The following TEX9 variants were observed in gnomAD, a reference collection of about 807,000 sequenced individuals.
TEX9 encodes the protein testis expressed 9, also known as testis-expressed protein 9.
TEX9 carries 74 observed loss-of-function variants against 59.6 expected under a neutral mutation model. That is an observed-to-expected ratio of 1.24 (90% CI 1.03 to 1.51). The LOEUF is 1.51. Ranked by LOEUF, TEX9 falls within the 40% of genes most tolerant of loss-of-function variation. TEX9 has a pLI of 0.00. For synonymous variants in TEX9, 186 were observed against 152.2 expected (o/e 1.22, Z -1.64); for missense variants, 522 against 447.8 (o/e 1.17, Z -1.49).
intron 2 of TEX9, 82 bp downstream of exon 2, chr15:56,365,752 G>T (rs778299649): frequency 1.1e-5 from 17 of 1,570,238 alleles, no homozygotes; most frequent in Non-Finnish European, 1.5e-5. Context: ...CTGGAGACTG[G>T]CTGGATCTTC....
chr15:56,382,063 G>A (rs1284287883), intron 3 of TEX9, among the ~76,000 whole-genome samples: 3 of 152,144 alleles, frequency 2.0e-5, no homozygotes, highest in Admixed American at 1.3e-4. Context: ...GCTGGTACTC[G>A]GACTACAACA....
At chr15:56,289,092 CATT>C (rs1164922591) in intron 1 of TEX9, among the ~76,000 whole-genome samples, 1 of 152,170 alleles carries the variant, frequency 6.6e-6, no homozygotes, top group African/African-American at 2.4e-5. Flanking sequence ...ATTTCAATCT[CATT>C]GTTTAATTTC....
intron 2 of TEX9, among the ~76,000 whole-genome samples, chr15:56,371,994 T>C (rs1410579855): frequency 1.3e-5 from 2 of 152,228 alleles, no homozygotes; most frequent in East Asian, 3.8e-4. Flanking sequence ...GCTCTCACTT[T>C]GAATTGCTGC....
intron 1 of TEX9, among the ~76,000 whole-genome samples, chr15:56,340,045 G>A (rs757874051): frequency 6.6e-6 from 1 of 152,112 alleles, no homozygotes; most frequent in Non-Finnish European, 1.5e-5. Context: ...TTGGGGATAT[G>A]ATGGGTACCA....
intron 9 of TEX9, chr15:56,410,330 T>C (rs2049286896): frequency 6.6e-6 from 1 of 152,222 alleles, no homozygotes; most frequent in Non-Finnish European, 1.5e-5. Flanking sequence ...CTGTGGCTGA[T>C]GCATGCCCCT....
In TEX9 at chr15:56,309,665, G is replaced by A. The variant is rs149391932; in HGVS notation, c.-106-63776G>A. Among the ~76,000 whole-genome samples, 174 of 137,780 alleles carry A rather than the reference G, an allele frequency of 1.3e-3. 1 individual carries two copies. The highest frequency in any genetic ancestry group is 4.5e-3 in the African/African-American group (162 of 36,282). The allele number at this position is 137,780 out of a possible 152,430, so 90.4% of individuals were successfully genotyped here. On this transcript the variant is annotated intron_variant, in intron 1 of 5. Transcript: ENST00000560827. ...AAGTTGAGTGGAATTTATTGGTAAA[G>A]CATCTGGGCCTGGGATTTTTATGGG... is the stretch of plus-strand genomic sequence containing the variant.
intron 1 of TEX9, among the ~76,000 whole-genome samples, chr15:56,352,256 T>A (rs2046597675): frequency 6.6e-6 from 1 of 151,692 alleles, no homozygotes; most frequent in Non-Finnish European, 1.5e-5. Flanking sequence ...TGCCGTCTTC[T>A]TTTTTTGAGA....
the TEX9 span, among the ~76,000 whole-genome samples, chr15:56,453,420 A>G: frequency 1.3e-5 from 2 of 152,104 alleles, no homozygotes; most frequent in Non-Finnish European, 2.9e-5. Context: ...CTTTTAATCT[A>G]TCTCATCTAT....
chr15:56,333,475 G>GT (rs1555434031), intron 1 of TEX9, among the ~76,000 whole-genome samples: 1 of 15,932 alleles, frequency 6.3e-5, no homozygotes, highest in African/African-American at 1.1e-4. Flanking sequence ...ACTCCTTCAT[G>GT]ATAAAAAAAA....
At chr15:56,411,491 A>C (rs1457079067) in intron 9 of TEX9, among the ~76,000 whole-genome samples, 4 of 152,212 alleles carry the variant, frequency 2.6e-5, no homozygotes, top group Non-Finnish European at 5.9e-5. Flanking sequence ...TAGAGTACAA[A>C]TCTAGCTGAG....
rs2049406085 is a variant in TEX9, at chr15:56,412,467, A to G, written c.963+31A>G. ...GAAAAATTGAATAGCTTTTGTAGTGATCCCTTTTGGTAACTACTTCTTTTA... is the reference window on the plus strand; with the variant it reads ...GAAAAATTGAATAGCTTTTGTAGTGGTCCCTTTTGGTAACTACTTCTTTTA... On this transcript the variant is annotated intron_variant, in intron 10 of 12. Coordinates refer to ENST00000352903, the Ensembl canonical transcript of TEX9. 6 of 1,577,816 alleles carry G rather than the reference A, an allele frequency of 3.8e-6. No individual in the cohort carries two copies. The East Asian group carries it at 1.4e-4, about 36-fold the overall frequency.
At chr15:56,432,605 A>G (rs1245456267) in intron 12 of TEX9, among the ~76,000 whole-genome samples, 1 of 152,220 alleles carries the variant, frequency 6.6e-6, no homozygotes, top group Non-Finnish European at 1.5e-5. Flanking sequence ...AATTAAGACA[A>G]AAATTATTTG....
chr15:56,305,915 A>G lies in TEX9; in HGVS notation c.-107+61637A>G, dbSNP rs1259860694. Among the ~76,000 whole-genome samples, 7 of 152,196 alleles carry G rather than the reference A, an allele frequency of 4.6e-5. No individual in the cohort carries two copies. In the East Asian group the frequency reaches 1.3e-3, roughly 29 times the overall value. On this transcript the variant is annotated intron_variant, in intron 1 of 5. Transcript: ENST00000560827. ...ACCAGAATATATAAGAAGGTCAAAT[A>G]ACTCAAAGAGAAAAAAATGTAATAA...
chr15:56,362,864 A>G (rs1451978640), upstream of TEX9, among the ~76,000 whole-genome samples: 4 of 152,186 alleles, frequency 2.6e-5, no homozygotes, highest in African/African-American at 7.2e-5. Flanking sequence ...TCTTTTGTGA[A>G]TGGCTTCTTT....
chr15:56,427,635 G>A (rs759913795), exon 11 of TEX9: 3 of 1,542,044 alleles, frequency 1.9e-6, no homozygotes, highest in Non-Finnish European at 2.6e-6. Context: ...CAAAAAAATT[G>A]AAGTGTTAAA....
chr15:56,411,825 G>A (rs1474272873), intron 9 of TEX9, among the ~76,000 whole-genome samples: 1 of 152,140 alleles, frequency 6.6e-6, no homozygotes, highest in Non-Finnish European at 1.5e-5. Context: ...TTTCTACTTA[G>A]AATTGGGATT....
chr15:56,457,804 A>G, the TEX9 span, among the ~76,000 whole-genome samples: 1 of 150,822 alleles, frequency 6.6e-6, no homozygotes, highest in African/African-American at 2.4e-5. Context: ...ACAGAGCAAG[A>G]CCCTGTCTCT....
intron 3 of TEX9, among the ~76,000 whole-genome samples, chr15:56,376,866 A>G (rs1284168657): frequency 1.3e-5 from 2 of 152,160 alleles, no homozygotes; most frequent in African/African-American, 4.8e-5. Context: ...GTTTTCTTAT[A>G]GTAATTTCAT....
chr15:56,431,639 A>C (rs1452650653), intron 12 of TEX9: 1 of 586,766 alleles, frequency 1.7e-6, no homozygotes, highest in East Asian at 3.8e-5. Context: ...TAGATAATAT[A>C]TATTTTTAAA....
Sources: gnomAD v4.1 joint callset for allele counts (sites outside exome capture counted in the v4.1 genomes callset) on GRCh38, gnomAD v4.1.1 for gene constraint, MANE v1.5 for transcripts, NCBI Gene and HGNC (gene_info 2026-07-23, HGNC 2026-07-21) for gene names.